The following TEX14 variants were observed in gnomAD, a reference collection of about 807,000 sequenced individuals.
TEX14 encodes inactive serine/threonine-protein kinase TEX14.
Under a neutral mutation model 178.6 loss-of-function variants are expected in TEX14, and 168 were observed. That is an observed-to-expected ratio of 0.94 (90% CI 0.83 to 1.07). The LOEUF is 1.07. Among genes scored for constraint, TEX14 ranks in the 50% least tolerant of loss-of-function variants. The pLI, the probability that TEX14 is intolerant of heterozygous loss-of-function variation, is 0.00. For synonymous variants in TEX14, 626 were observed against 634.1 expected (o/e 0.99, Z 0.19); for missense variants, 1,730 against 1,753.6 (o/e 0.99, Z 0.24).
At chr17:58,661,745 GA>G in intron 1 of TEX14, 1 of 559,832 alleles carries the variant, frequency 1.8e-6, no homozygotes, top group Non-Finnish European at 3.1e-6. Context: ...CGGCATAGGG[GA>G]AGGCAACGGA....
rs2045366234 is a variant in TEX14 at position 58,599,185 on chromosome 17, G to C, written c.2160C>G (p.Ser720=). 1 of 1,613,964 alleles carries C rather than the reference G, an allele frequency of 6.2e-7. No individual in the cohort carries two copies. Among genetic ancestry groups the C allele is most frequent in the Admixed American group, 1.7e-5 (1 of 59,988 alleles). Residue 720 remains serine, a synonymous_variant, in exon 14 of 32, where the codon TCC becomes TCG. Coordinates refer to ENST00000349033, the MANE Select transcript of TEX14 (RefSeq NM_031272.5). ...REAKSNLNNM[S]TTEEYLISKC... Reference sequence around the variant, plus strand: ...TACTGATGAGATACTCCTCAGTCGTGGACATGTTGTTCAAATTGCTCTTGG... The same window carrying C: ...TACTGATGAGATACTCCTCAGTCGTCGACATGTTGTTCAAATTGCTCTTGG...
rs763512956 is a variant in TEX14 at position 58,599,621 on chromosome 17, C to T, written c.1724G>A (p.Gly575Glu). The T allele has an allele frequency of 2.1e-5, 34 of 1,613,556 alleles. No homozygotes were observed. The Admixed American group carries it at 5.3e-4, about 25-fold the overall frequency. Residue 575 changes from glycine (G) to glutamate (E), a missense_variant, in exon 14 of 32, where the codon GGG (glycine) becomes GAG (glutamate). Physicochemically the swap from Gly to Glu is moderately conservative, Grantham distance 98. Around this residue, in one of 2 missense-constraint regions of TEX14, gnomAD observed 941 missense variants for 1,072.4 expected, o/e 0.88. Coordinates refer to ENST00000349033, the MANE Select transcript of TEX14 (RefSeq NM_031272.5). ...ATCTGGGGCCTGAGGATCTAGTGTC[C>T]CCTCAGTGAATAAAGAGTGAACCCT... ...SPRVHSLFTE[G>E]TLDPQAPDPC...
intron 1 of TEX14, among the ~76,000 whole-genome samples, chr17:58,662,125 G>A (rs913272740): frequency 8.0e-5 from 12 of 150,532 alleles, no homozygotes; most frequent in African/African-American, 2.7e-4. Context: ...ACAGGCGTGA[G>A]CCACCACGCC....
chr17:58,642,361 C>T (rs987416592), intron 2 of TEX14, among the ~76,000 whole-genome samples: 2 of 152,068 alleles, frequency 1.3e-5, no homozygotes, highest in African/African-American at 4.8e-5. Flanking sequence ...CTTATTCAAC[C>T]GCCTCTCCTA....
intron 2 of TEX14, 73 bp from the exon 3 acceptor site, chr17:58,630,627 G>A: frequency 1.0e-6 from 1 of 995,558 alleles, no homozygotes; most frequent in Non-Finnish European, 1.6e-6. Flanking sequence ...GGGGGTGGGG[G>A]AATTACATAT....
At chr17:58,631,698 A>G (rs978751168) in intron 2 of TEX14, 1 of 151,650 alleles carries the variant, frequency 6.6e-6, no homozygotes, top group Admixed American at 6.6e-5. Context: ...CAGCAGTTAG[A>G]ATAACGCAAC....
chr17:58,630,657 A>G, intron 2 of TEX14, 103 bp from the exon 3 acceptor site: 1 of 763,100 alleles, frequency 1.3e-6, no homozygotes, highest in Non-Finnish European at 2.2e-6. Flanking sequence ...GTACTTTCAT[A>G]TATTGCTGTG....
At chr17:58,606,998 C>T (rs1482499992) in intron 10 of TEX14, among the ~76,000 whole-genome samples, 1 of 127,338 alleles carries the variant, frequency 7.9e-6, no homozygotes, top group Admixed American at 9.1e-5. Context: ...GCATTCCAGA[C>T]TGGGCTACTG....
intron 1 of TEX14, among the ~76,000 whole-genome samples, chr17:58,662,180 G>A (rs2047125964): frequency 6.7e-6 from 1 of 150,230 alleles, no homozygotes; most frequent in Admixed American, 6.6e-5. Flanking sequence ...GGCCAGGCGC[G>A]GTGGCTCACT....
intron 1 of TEX14, among the ~76,000 whole-genome samples, chr17:58,665,692 A>T (rs2047191418): frequency 6.6e-6 from 1 of 152,116 alleles, no homozygotes; most frequent in African/African-American, 2.4e-5. Context: ...TTTAAACAGT[A>T]AGCAACGGTA....
At chr17:58,661,949 A>G (rs2047121243) in intron 1 of TEX14, 2 of 196,650 alleles carry the variant, frequency 1.0e-5, no homozygotes, top group South Asian at 3.0e-4. Flanking sequence ...CTGCCCCTCG[A>G]CTGCTGCCCC....
At chr17:58,634,482 C>T (rs2046389477) in intron 2 of TEX14, among the ~76,000 whole-genome samples, 1 of 152,138 alleles carries the variant, frequency 6.6e-6, no homozygotes, top group African/African-American at 2.4e-5. Flanking sequence ...GAGGGGTTCA[C>T]ATGTCTTACT....
chr17:58,650,233 A>G (rs995754672), intron 2 of TEX14, among the ~76,000 whole-genome samples: 2 of 150,904 alleles, frequency 1.3e-5, no homozygotes, highest in Non-Finnish European at 2.9e-5. Context: ...AATTATTTTT[A>G]GTAGAGACGG....
chr17:58,610,474 G>A (rs1344095265), intron 10 of TEX14, among the ~76,000 whole-genome samples: 1 of 152,192 alleles, frequency 6.6e-6, no homozygotes, highest in Admixed American at 6.5e-5. Context: ...GAATGCAGTG[G>A]GGGATCAAGG....
intron 1 of TEX14, among the ~76,000 whole-genome samples, chr17:58,679,142 G>A (rs565555510): frequency 3.3e-5 from 5 of 152,028 alleles, no homozygotes; most frequent in African/African-American, 9.6e-5. Flanking sequence ...CTACAAGAGC[G>A]AAACGCCGTC....
intron 5 of TEX14, among the ~76,000 whole-genome samples, chr17:58,618,224 T>TG (rs1018302463): frequency 6.6e-6 from 1 of 152,192 alleles, no homozygotes; most frequent in African/African-American, 2.4e-5. Context: ...CTGCTAAGTT[T>TG]GGGGGGTGAT....
chr17:58,591,475 G>T (rs1307375292), intron 15 of TEX14, among the ~76,000 whole-genome samples: 1 of 152,006 alleles, frequency 6.6e-6, no homozygotes, highest in African/African-American at 2.4e-5. Flanking sequence ...CCAATATCGC[G>T]CCATTGCACT....
intron 14 of TEX14, among the ~76,000 whole-genome samples, chr17:58,596,650 A>G (rs2045289650): frequency 6.6e-6 from 1 of 151,358 alleles, no homozygotes. Context: ...TTTGGAGGCC[A>G]AGGCGGGTGG....
At chr17:58,606,327 T>C (rs1216884779) in intron 10 of TEX14, among the ~76,000 whole-genome samples, 1 of 152,166 alleles carries the variant, frequency 6.6e-6, no homozygotes, top group African/African-American at 2.4e-5. Context: ...AGTATGAATA[T>C]TATGGGAGGC....
Sources: allele counts gnomAD v4.1 joint callset (sites outside exome capture counted in the v4.1 genomes callset), GRCh38; gene constraint gnomAD v4.1.1; regional missense constraint gnomAD v4.1.1; transcripts MANE v1.5; gene names NCBI Gene and HGNC (gene_info 2026-07-23, HGNC 2026-07-21).